The following ALPK2 variants were observed in gnomAD, a reference collection of about 807,000 sequenced individuals.
The protein encoded by ALPK2 is alpha kinase 2.
A neutral mutation model predicts 163.1 loss-of-function variants in ALPK2; 127 were observed. That is an observed-to-expected ratio of 0.78 (90% confidence interval 0.67 to 0.90). The LOEUF is 0.90. Ranked by LOEUF, ALPK2 falls within the 40% of genes least tolerant of loss-of-function variation. The pLI is 0.00. For missense variants in ALPK2, 2,360 were observed against 2,589.6 expected, an observed-to-expected ratio of 0.91 and a Z score of 1.92; for synonymous variants, 953 against 959.1, an observed-to-expected ratio of 0.99 and a Z score of 0.12.
At chr18:58,604,273 A>G (rs2052086684) in intron 3 of ALPK2, among the ~76,000 whole-genome samples, 1 of 152,242 alleles carries the variant, frequency 6.6e-6, no homozygotes, top group African/African-American at 2.4e-5. Context: ...GGTTGACGGT[A>G]TATAGCAGGA....
intron 3 of ALPK2, among the ~76,000 whole-genome samples, chr18:58,601,705 T>C (rs1204869628): frequency 1.3e-5 from 2 of 152,128 alleles, no homozygotes; most frequent in Non-Finnish European, 2.9e-5. Context: ...GAAACCACAC[T>C]GGACCTTCCA....
At chr18:58,573,430 A>G (rs1165018870) in intron 4 of ALPK2, among the ~76,000 whole-genome samples, 1 of 144,758 alleles carries the variant, frequency 6.9e-6, no homozygotes, top group Non-Finnish European at 1.5e-5. Flanking sequence ...TTTTTCAGAG[A>G]CAGGGTCTTG....
Position 58,535,915 on chromosome 18 carries a change from T to C in ALPK2, c.4272A>G (p.Glu1424=), listed in dbSNP as rs1179328839. The change falls in exon 5 of 13, where the codon GAA becomes GAG. Residue 1424 remains glutamate (E), a synonymous_variant. Transcript: ENST00000361673. The part of the protein sequence containing the change: ...YTRAGKPEPS[E]TTPQGAREGG... The stretch of plus-strand genomic sequence containing the variant: ...CTTCTCTGGCGCCCTGTGGTGTGGT[T>C]TCAGAGGGCTCTGGTTTTCCAGCCC... 1.2e-6 allele frequency: 2 copies of C among 1,614,100 alleles called. No homozygotes were observed. The highest frequency in any genetic ancestry group is 1.7e-6 in the Non-Finnish European group (2 of 1,180,040).
intron 6 of ALPK2, 129 bp downstream of exon 6, chr18:58,528,962 G>A: frequency 1.8e-6 from 2 of 1,101,252 alleles, no homozygotes; most frequent in South Asian, 2.8e-5. Flanking sequence ...TTTTAATATT[G>A]TGGATGTGGA....
At chr18:58,613,708 AAATAATAATAATAATAAT>A (rs147174781) in intron 1 of ALPK2, among the ~76,000 whole-genome samples, 3 of 95,216 alleles carry the variant, frequency 3.2e-5, no homozygotes, top group Non-Finnish European at 4.4e-5. Context: ...CAAAAAAAAA[AAATAATAATAATAATAAT>A]AATAATAATA....
At chr18:58,512,621 G>A (rs1568070597) in intron 10 of ALPK2, among the ~76,000 whole-genome samples, 2 of 151,732 alleles carry the variant, frequency 1.3e-5, no homozygotes, top group Non-Finnish European at 2.9e-5. Context: ...TGTGGTTTGT[G>A]GTTGTGTGAT....
At chr18:58,608,008 C>T (rs1032412708) in intron 2 of ALPK2, among the ~76,000 whole-genome samples, 1 of 152,194 alleles carries the variant, frequency 6.6e-6, no homozygotes, top group African/African-American at 2.4e-5. Flanking sequence ...CCCAACATTC[C>T]TTTATTAAAT....
chr18:58,512,766 A>ATGTGTGTGG (rs1175831127), intron 10 of ALPK2, among the ~76,000 whole-genome samples: 2 of 107,578 alleles, frequency 1.9e-5, no homozygotes, highest in African/African-American at 7.3e-5. Flanking sequence ...GTGTATGTGT[A>ATGTGTGTGG]TGTGTGTGGT....
intron 4 of ALPK2, among the ~76,000 whole-genome samples, chr18:58,574,484 G>A (rs1045920078): frequency 6.6e-6 from 1 of 151,506 alleles, no homozygotes; most frequent in Admixed American, 6.6e-5. Flanking sequence ...TAGAACAGGG[G>A]TCCCCAACCC....
chr18:58,571,137 T>C (rs1477034886), intron 4 of ALPK2, among the ~76,000 whole-genome samples: 2 of 152,062 alleles, frequency 1.3e-5, no homozygotes, highest in Non-Finnish European at 2.9e-5. Context: ...TTCTCCTACC[T>C]CAGCCTCCCA....
chr18:58,578,071 C>T (rs1374657617), intron 4 of ALPK2: 1 of 152,222 alleles, frequency 6.6e-6, no homozygotes, highest in African/African-American at 2.4e-5. Context: ...TCAAGCACAA[C>T]ATCTTTTGTG....
rs561541069 is a variant in ALPK2, at chr18:58,512,915, G to A, written c.6029+2078C>T. On this transcript the variant is annotated intron_variant, in intron 10 of 12. Coordinates refer to ENST00000361673, the MANE Select transcript of ALPK2 (RefSeq NM_052947.4). ...TGTAATGCGTATGTGTGTGGTGTAT[G>A]TGTGATGTGTGGGGTGTGTGGGGTG... Among the ~76,000 whole-genome samples the A allele has an allele frequency of 1.9e-4, 18 of 97,188 alleles. No individual in the cohort carries two copies. The East Asian group carries it at 4.2e-3, about 23-fold the overall frequency. 63.8% of individuals were successfully genotyped at this position (97,188 alleles called of 152,430 possible).
At chr18:58,502,134 CCA>C (rs71173056) in intron 11 of ALPK2, among the ~76,000 whole-genome samples, 4,995 of 118,726 alleles carry the variant, frequency 0.042, 110 homozygotes, top group Middle Eastern at 0.075. Flanking sequence ...AACCCCATCT[CCA>C]CACACACACA....
chr18:58,513,163 G>T (rs936614246), intron 10 of ALPK2, among the ~76,000 whole-genome samples: 3 of 150,034 alleles, frequency 2.0e-5, no homozygotes, highest in African/African-American at 7.4e-5. Flanking sequence ...GTGGTGTGGG[G>T]GTGTGTGTGG....
Position 58,504,104 on chromosome 18 carries a change from G to A in ALPK2, c.6074C>T (p.Pro2025Leu), listed in dbSNP as rs1319522958. ...CAGCTCCTCCTCCACTGTAGCATAC[G>A]GGATATTGTTCTCAGGCCGATGGAT... is the stretch of plus-strand genomic sequence containing the variant. Reference protein sequence around the residue: ...FLIHRPENNIPYATVEEELIG... With the variant: ...FLIHRPENNILYATVEEELIG... Residue 2025 changes from proline to leucine, a missense_variant, in exon 11 of 13, where the codon CCG becomes CTG. Pro to Leu is a moderately conservative substitution (Grantham distance 98). Coordinates refer to ENST00000361673, the MANE Select transcript of ALPK2 (RefSeq NM_052947.4). 5.0e-6 allele frequency: 8 copies of A among 1,614,046 alleles called. No individual in the cohort carries two copies. Among genetic ancestry groups the A allele is most frequent in the South Asian group, 2.2e-5 (2 of 91,078 alleles).
chr18:58,514,526 G>A (rs1231574377), intron 10 of ALPK2, among the ~76,000 whole-genome samples: 1 of 152,158 alleles, frequency 6.6e-6, no homozygotes, highest in Non-Finnish European at 1.5e-5. Flanking sequence ...ATTCCAGGAA[G>A]CAGGTACTAT....
At position 58,536,920 on chromosome 18, in the gene ALPK2, G is replaced by A; in HGVS notation, c.3267C>T (p.Leu1089=). Residue 1089 remains leucine, a synonymous_variant, in exon 5 of 13, where the codon CTC becomes CTT. Transcript: ENST00000361673. The stretch of plus-strand genomic sequence containing the variant: ...TACTGCAGAAACCCTCTCCCTCTGG[G>A]AGCTGCAGGACATGGTGTGGGACTC... The part of the protein sequence containing the change: ...VPGVPHHVLQ[L]PEGEGFCSNS... 2 of 1,614,198 alleles carry A rather than the reference G, an allele frequency of 1.2e-6. No homozygotes were observed. Among genetic ancestry groups the A allele is most frequent in the Non-Finnish European group, 1.7e-6 (2 of 1,180,030 alleles).
chr18:58,503,707 A>AT (rs974222111), intron 11 of ALPK2, among the ~76,000 whole-genome samples: 1 of 152,024 alleles, frequency 6.6e-6, no homozygotes, highest in African/African-American at 2.4e-5. Flanking sequence ...CCCCCCTAGA[A>AT]TTTTTTTAAA....
intron 3 of ALPK2, among the ~76,000 whole-genome samples, chr18:58,605,669 T>G (rs1421119370): frequency 6.6e-6 from 1 of 152,210 alleles, no homozygotes; most frequent in Admixed American, 6.5e-5. Context: ...CTGTGAACCT[T>G]ACAGCTGGTT....
Sources: allele counts gnomAD v4.1 joint callset (sites outside exome capture counted in the v4.1 genomes callset), GRCh38; gene constraint gnomAD v4.1.1; transcripts MANE v1.5; gene names NCBI Gene and HGNC (gene_info 2026-07-23, HGNC 2026-07-21).